Variants in C9 observed in about 807,000 individuals in gnomAD.
C9 encodes complement component C9.
C9 carries 63 observed loss-of-function variants against 65.4 expected under a neutral mutation model. The ratio of observed to expected loss-of-function variants is 0.96; its 90% CI spans 0.79 to 1.19. The LOEUF is 1.19. C9 is among the 50% of genes most tolerant of loss of function. C9 has a pLI of 0.00. For synonymous variants in C9, 229 were observed against 227.9 expected, an observed-to-expected ratio of 1.00 and a Z score of -0.04; for missense variants, 744 against 670.1, an observed-to-expected ratio of 1.11 and a Z score of -1.22.
intron 9 of C9, among the ~76,000 whole-genome samples, chr5:39,290,792 T>C (rs1177645346): frequency 6.6e-6 from 1 of 151,744 alleles, no homozygotes; most frequent in Admixed American, 6.6e-5. Flanking sequence ...AACACATTAC[T>C]GAGCTGAGGA....
rs1460235579 is a variant in C9, at chr5:39,364,403, G to A, written c.62C>T (p.Ala21Val). 33 of 1,593,822 alleles carry A rather than the reference G, an allele frequency of 2.1e-5. No homozygotes were observed. Among genetic ancestry groups the A allele is most frequent in the Non-Finnish European group, 2.8e-5 (32 of 1,161,652 alleles). The part of the protein sequence containing the change: ...ICILEISILT[A>V]QYTTSYDPEL... Reference sequence around the variant, plus strand: ...ACTGACTCACCTGGTCGTGTACTGTGCTGTGAGGATGCTTATTTCTAAAAT... The same window carrying A: ...ACTGACTCACCTGGTCGTGTACTGTACTGTGAGGATGCTTATTTCTAAAAT... The change falls in exon 1 of 11, where the codon GCA becomes GTA. Residue 21 changes from alanine (A) to valine (V), a missense_variant. Physicochemically the swap from Ala to Val is moderately conservative, Grantham distance 64. Coordinates refer to ENST00000263408, the MANE Select transcript of C9 (RefSeq NM_001737.5).
intron 6 of C9, 70 bp from the exon 7 acceptor site, chr5:39,311,447 A>T: frequency 6.7e-7 from 1 of 1,495,788 alleles, no homozygotes; most frequent in Non-Finnish European, 9.2e-7. Context: ...AATTTATGAA[A>T]TTTAGAACTT....
intron 1 of C9, among the ~76,000 whole-genome samples, chr5:39,361,763 T>C (rs1754525637): frequency 6.6e-6 from 1 of 152,078 alleles, no homozygotes; most frequent in African/African-American, 2.4e-5. Flanking sequence ...GTCCCCCTCA[T>C]GGCCAGTTCT....
intron 1 of C9, among the ~76,000 whole-genome samples, chr5:39,351,580 C>G (rs988095126): frequency 2.6e-5 from 4 of 152,144 alleles, no homozygotes; most frequent in Non-Finnish European, 5.9e-5. Flanking sequence ...TACCAGATAC[C>G]TTAAGTCATC....
chr5:39,288,204 A>G (rs922384121), intron 10 of C9, among the ~76,000 whole-genome samples: 6 of 151,922 alleles, frequency 3.9e-5, no homozygotes, highest in Non-Finnish European at 8.8e-5. Flanking sequence ...ATACATACCA[A>G]CTTAATGAAA....
chr5:39,311,438 A>G, intron 6 of C9, 61 bp from the exon 7 acceptor site: 1 of 1,550,326 alleles, frequency 6.5e-7, no homozygotes, highest in Non-Finnish European at 8.8e-7. Context: ...TCAAATGAAA[A>G]TTTATGAAAT....
intron 1 of C9, among the ~76,000 whole-genome samples, chr5:39,352,801 G>A (rs965922303): frequency 6.6e-5 from 10 of 151,242 alleles, no homozygotes; most frequent in Admixed American, 5.3e-4. Flanking sequence ...GAAACCTTCA[G>A]TAGCTTCCCA....
chr5:39,348,355 G>T (rs1424293493), intron 1 of C9, among the ~76,000 whole-genome samples: 3 of 152,216 alleles, frequency 2.0e-5, no homozygotes, highest in African/African-American at 7.2e-5. Context: ...CAAAAAGTGG[G>T]CAAAGGATAT....
At chr5:39,360,708 C>T (rs1754500918) in intron 1 of C9, among the ~76,000 whole-genome samples, 1 of 151,766 alleles carries the variant, frequency 6.6e-6, no homozygotes, top group African/African-American at 2.4e-5. Context: ...CAATCTGACT[C>T]AATAAGAGAA....
chr5:39,342,326 T>A lies in C9; in HGVS notation c.78-130A>T, dbSNP rs527777336. The A allele has an allele frequency of 1.1e-5, 7 of 624,178 alleles. No homozygotes were observed. The Admixed American group carries it at 1.4e-4, about 13-fold the overall frequency. The allele number at this position is 624,178 out of a possible 1,614,324, so 38.7% of individuals were successfully genotyped here. On this transcript the variant is annotated intron_variant, in intron 1 of 10. Transcript: ENST00000263408. The stretch of plus-strand genomic sequence containing the variant: ...ATACCACTTATCTTTTTACTATATC[T>A]CTCATTTCACCCTCAATTGCATGCT...
intron 9 of C9, among the ~76,000 whole-genome samples, chr5:39,294,496 C>T (rs1753149671): frequency 6.6e-6 from 1 of 151,714 alleles, no homozygotes; most frequent in South Asian, 2.1e-4. Context: ...CACATACAAC[C>T]TCTCGAGTTT....
intron 7 of C9, among the ~76,000 whole-genome samples, chr5:39,309,293 C>T (rs565669615): frequency 3.3e-5 from 5 of 151,860 alleles, no homozygotes; most frequent in East Asian, 1.9e-4. Context: ...CACATACACA[C>T]GAATTTGTGA....
intron 4 of C9, 46 bp downstream of exon 4, chr5:39,341,100 C>A: frequency 6.2e-7 from 1 of 1,601,920 alleles, no homozygotes; most frequent in East Asian, 2.2e-5. Context: ...AGATGGAGAT[C>A]ATTTTCACTC....
At chr5:39,342,268 C>T in intron 1 of C9, 72 bp from the exon 2 acceptor site, 1 of 834,426 alleles carries the variant, frequency 1.2e-6, no homozygotes. Context: ...TTCATAAACA[C>T]AGTTCATTTT....
At chr5:39,337,539 T>G (rs1753992168) in intron 4 of C9, among the ~76,000 whole-genome samples, 1 of 152,272 alleles carries the variant, frequency 6.6e-6, no homozygotes, top group Admixed American at 6.5e-5. Flanking sequence ...TCTTTGGCAG[T>G]GCTTATAGAT....
At chr5:39,300,077 A>G (rs696754) in intron 9 of C9, among the ~76,000 whole-genome samples, 2,628 of 152,190 alleles carry the variant, frequency 0.017, 91 homozygotes, top group African/African-American at 0.06. Context: ...CAATGCCACA[A>G]TAGAGCCTGG....
At chr5:39,302,048 G>A (rs545434462) in intron 9 of C9, among the ~76,000 whole-genome samples, 2 of 152,086 alleles carry the variant, frequency 1.3e-5, no homozygotes, top group East Asian at 3.9e-4. Context: ...GGAATAGAGG[G>A]TCATGAAGGA....
chr5:39,360,078 CA>C (rs1377998729), intron 1 of C9, among the ~76,000 whole-genome samples: 1 of 151,980 alleles, frequency 6.6e-6, no homozygotes, highest in Non-Finnish European at 1.5e-5. Flanking sequence ...GTTAGATATC[CA>C]AAACTTTTCT....
intron 5 of C9, among the ~76,000 whole-genome samples, chr5:39,326,299 G>A (rs1384405150): frequency 6.6e-6 from 1 of 152,172 alleles, no homozygotes; most frequent in Non-Finnish European, 1.5e-5. Context: ...TCAGAACCTT[G>A]TGATTGATCA....
Sources: allele counts gnomAD v4.1 joint callset (sites outside exome capture counted in the v4.1 genomes callset), GRCh38; gene constraint gnomAD v4.1.1; transcripts MANE v1.5; gene names NCBI Gene and HGNC (gene_info 2026-07-23, HGNC 2026-07-21).